The following NRXN3 variants were observed in gnomAD, a reference collection of about 807,000 sequenced individuals.
NRXN3 encodes the protein neurexin III.
NRXN3 carries 32 observed loss-of-function variants against 137.6 expected under a neutral mutation model. The observed-to-expected ratio is 0.23, with a 90% CI of 0.18 to 0.31. The LOEUF (loss-of-function observed/expected upper bound fraction) is 0.31, where lower values mean the gene tolerates loss of function less well. Ranked by LOEUF, NRXN3 falls within the 10% of genes least tolerant of loss-of-function variation. The probability of loss-of-function intolerance (pLI) is 1.00; values close to 1 mark genes in which losing one functional copy is unlikely to be tolerated. For missense variants in NRXN3, 1,574 were observed against 2,062.5 expected (o/e 0.76, Z 4.59); for synonymous variants, 798 against 784.5 (o/e 1.02, Z -0.29).
intron 10 of NRXN3, among the ~76,000 whole-genome samples, chr14:78,939,390 GA>G (rs2099348730): frequency 6.6e-6 from 1 of 152,230 alleles, no homozygotes; most frequent in Admixed American, 6.5e-5. Context: ...AAGTGGGATA[GA>G]AAGACTACCA....
intron 15 of NRXN3, among the ~76,000 whole-genome samples, chr14:79,292,258 C>T (rs1016307874): frequency 1.3e-5 from 2 of 152,176 alleles, no homozygotes; most frequent in Non-Finnish European, 2.9e-5. Flanking sequence ...AATCTGCTGG[C>T]AATGAATAGT....
chr14:79,473,204 T>C (rs2096530265), intron 16 of NRXN3, among the ~76,000 whole-genome samples: 1 of 152,176 alleles, frequency 6.6e-6, no homozygotes, highest in Admixed American at 6.6e-5. Context: ...GGTGGCAAAG[T>C]GTTCTCCTTC....
intron 15 of NRXN3, among the ~76,000 whole-genome samples, chr14:79,159,123 T>G (rs1157737097): frequency 2.0e-5 from 3 of 151,876 alleles, no homozygotes; most frequent in Non-Finnish European, 4.4e-5. Flanking sequence ...CTCCATAAAG[T>G]CAATGAGCAA....
chr14:78,548,110 C>T (rs2096653221), intron 4 of NRXN3, among the ~76,000 whole-genome samples: 2 of 152,076 alleles, frequency 1.3e-5, no homozygotes, highest in African/African-American at 2.4e-5. Flanking sequence ...GCCTCCAAGG[C>T]CATAAAACAG....
At chr14:78,342,950 A>G (rs2082300836) in intron 4 of NRXN3, among the ~76,000 whole-genome samples, 1 of 152,110 alleles carries the variant, frequency 6.6e-6, no homozygotes, top group Non-Finnish European at 1.5e-5. Flanking sequence ...TAATTATTTC[A>G]TTCTGCAGGG....
chr14:79,090,756 C>T lies in NRXN3; in HGVS notation c.3262+102615C>T, dbSNP rs114903380. On this transcript the variant is annotated intron_variant, in intron 15 of 20. Transcript: ENST00000335750. Reference sequence around the variant, plus strand: ...CACACTACATAATGCATAGTAGGGGCTCAGTGATACCAAATATGCAGATCA... The same window carrying T: ...CACACTACATAATGCATAGTAGGGGTTCAGTGATACCAAATATGCAGATCA... 5.2e-3 allele frequency among the ~76,000 whole-genome samples: 789 copies of T among 152,236 alleles called. 7 individuals are homozygous for T. Among genetic ancestry groups the T allele is most frequent in the African/African-American group, 0.018 (745 of 41,556 alleles).
chr14:79,673,272 C>A (rs1488057457), intron 17 of NRXN3, among the ~76,000 whole-genome samples: 2 of 151,988 alleles, frequency 1.3e-5, no homozygotes, highest in Non-Finnish European at 2.9e-5. Context: ...AGATGCATTT[C>A]TTTTCCACAC....
chr14:79,026,565 G>A (rs1171045441), intron 15 of NRXN3, among the ~76,000 whole-genome samples: 1 of 152,060 alleles, frequency 6.6e-6, no homozygotes, highest in Non-Finnish European at 1.5e-5. Context: ...CCACCAGCTA[G>A]TCCCATAAAC....
chr14:79,606,203 C>T (rs1481496163), intron 16 of NRXN3, among the ~76,000 whole-genome samples: 7 of 152,190 alleles, frequency 4.6e-5, no homozygotes, highest in Admixed American at 4.6e-4. Context: ...CTCTCTTCTT[C>T]TTCCTCAGTG....
intron 15 of NRXN3, among the ~76,000 whole-genome samples, chr14:79,263,664 G>A (rs1205848703): frequency 1.3e-5 from 2 of 152,092 alleles, no homozygotes; most frequent in African/African-American, 4.8e-5. Flanking sequence ...AGTAATAAAT[G>A]GTTCTTCAAC....
At chr14:78,521,242 A>G (rs1238659696) in intron 4 of NRXN3, among the ~76,000 whole-genome samples, 3 of 152,132 alleles carry the variant, frequency 2.0e-5, no homozygotes, top group African/African-American at 7.2e-5. Context: ...TCCTGTATAT[A>G]TTAAAAGCAT....
rs2090576222 is a variant in NRXN3, at chr14:79,324,636, G to A, written c.3263-142585G>A. 1.3e-5 allele frequency among the ~76,000 whole-genome samples: 2 copies of A among 152,190 alleles called. 1 individual carries two copies. Among genetic ancestry groups the A allele is most frequent in the South Asian group, 4.1e-4 (2 of 4,830 alleles). On this transcript the variant is annotated intron_variant, in intron 15 of 20. Transcript: ENST00000335750. ...ATGCGTGGGCAGGTAGATTTGGTCAGGCATATTTATAATAATGAGCCATTG... is the reference window on the plus strand; with the variant it reads ...ATGCGTGGGCAGGTAGATTTGGTCAAGCATATTTATAATAATGAGCCATTG...
intron 16 of NRXN3, among the ~76,000 whole-genome samples, chr14:79,547,159 C>T (rs1037525735): frequency 2.0e-5 from 3 of 152,100 alleles, no homozygotes; most frequent in Non-Finnish European, 4.4e-5. Flanking sequence ...CAATCTGGAG[C>T]CATGAGAAAT....
intron 15 of NRXN3, among the ~76,000 whole-genome samples, chr14:79,102,603 G>A (rs1229957656): frequency 6.6e-6 from 1 of 152,190 alleles, no homozygotes; most frequent in Non-Finnish European, 1.5e-5. Context: ...GACATATAGA[G>A]TTATGTAAAT....
chr14:79,430,386 G>A (rs191051253), intron 15 of NRXN3, among the ~76,000 whole-genome samples: 6 of 152,248 alleles, frequency 3.9e-5, no homozygotes, highest in Admixed American at 2.0e-4. Flanking sequence ...TCCCTCCTTA[G>A]AGATTCATTT....
intron 16 of NRXN3, among the ~76,000 whole-genome samples, chr14:79,622,990 C>T (rs1208202729): frequency 1.3e-5 from 2 of 152,062 alleles, no homozygotes; most frequent in Non-Finnish European, 2.9e-5. Context: ...TGAATATTTG[C>T]AGAGAAATCC....
intron 16 of NRXN3, among the ~76,000 whole-genome samples, chr14:79,540,955 T>G (rs2153733644): frequency 6.6e-6 from 1 of 152,224 alleles, no homozygotes; most frequent in African/African-American, 2.4e-5. Context: ...AAAATCAAGG[T>G]GTCAGCAAGG....
intron 20 of NRXN3, among the ~76,000 whole-genome samples, chr14:79,822,397 G>A (rs1307438757): frequency 2.0e-5 from 3 of 152,026 alleles, no homozygotes; most frequent in Non-Finnish European, 4.4e-5. Context: ...TGTTTTTTTG[G>A]ATGGCTAAAA....
chr14:78,918,784 C>A (rs2099263504), intron 10 of NRXN3, among the ~76,000 whole-genome samples: 1 of 152,120 alleles, frequency 6.6e-6, no homozygotes, highest in Non-Finnish European at 1.5e-5. Flanking sequence ...CAGTTGCCTG[C>A]AGTATTCAGT....
Sources: gnomAD v4.1 joint callset for allele counts (sites outside exome capture counted in the v4.1 genomes callset) on GRCh38, gnomAD v4.1.1 for gene constraint, MANE v1.5 for transcripts, NCBI Gene and HGNC (gene_info 2026-07-23, HGNC 2026-07-21) for gene names.